MTG2: variants seen among roughly 807,000 people sequenced by gnomAD.
MTG2 encodes the protein mitochondrial ribosome-associated GTPase 2.
A neutral mutation model predicts 28.6 loss-of-function variants in MTG2; 23 were observed. The observed-to-expected ratio is 0.80, with a 90% confidence interval of 0.58 to 1.14. MTG2 has a LOEUF of 1.14. Ranked by LOEUF, MTG2 falls within the 50% of genes most tolerant of loss-of-function variation. The pLI, the probability that MTG2 is intolerant of heterozygous loss-of-function variation, is 0.00. For missense variants in MTG2, 539 were observed against 552.0 expected (o/e 0.98, Z 0.24); for synonymous variants, 260 against 251.8 (o/e 1.03, Z -0.31).
intron 1 of MTG2, among the ~76,000 whole-genome samples, chr20:62,185,309 G>A (rs1217923856): frequency 6.6e-6 from 1 of 152,106 alleles, no homozygotes; most frequent in South Asian, 2.1e-4. Context: ...CTACTCGGGA[G>A]GTTGAGGCAG....
chr20:62,186,730 T>C (rs1601083970), intron 1 of MTG2, among the ~76,000 whole-genome samples: 1 of 152,104 alleles, frequency 6.6e-6, no homozygotes, highest in African/African-American at 2.4e-5. Context: ...GGTTTCACCA[T>C]GTTGGCCACG....
At position 62,195,832 on chromosome 20, in the gene MTG2, CT is replaced by C; in HGVS notation, c.237del (p.Val80SerfsTer37). ...GTACTTTGTGGACTATCGGAGAGTGCTTGTCTGTGGAGGAAACGGAGGCGCT... is the reference window on the plus strand; with the variant it reads ...GTACTTTGTGGACTATCGGAGAGTGCTGTCTGTGGAGGAAACGGAGGCGCT... ...KRYFVDYRRVLVCGGNGGAGA... is the reference protein window; with the variant it reads ...KRYFVDYRRVXVCGGNGGAGA... On this transcript the variant is annotated frameshift_variant, in exon 3 of 7. Transcript: ENST00000370823. LOFTEE classifies it high-confidence loss of function. 1 of 1,614,168 alleles carries C rather than the reference CT, an allele frequency of 6.2e-7. No individual in the cohort carries two copies. Among genetic ancestry groups the C allele is most frequent in the Non-Finnish European group, 8.5e-7 (1 of 1,180,032 alleles).
chr20:62,196,103 A>G (rs936198899), intron 3 of MTG2, among the ~76,000 whole-genome samples, 154 bp downstream of exon 3: 3 of 152,030 alleles, frequency 2.0e-5, no homozygotes, highest in African/African-American at 4.8e-5. Context: ...ACTTGAGCCC[A>G]TAAGTTCAAG....
chr20:62,193,501 T>C lies in MTG2; in HGVS notation c.81T>C (p.Ala27=). 1 of 1,614,188 alleles carries C rather than the reference T, an allele frequency of 6.2e-7. No individual in the cohort carries two copies. The highest frequency in any genetic ancestry group is 8.5e-7 in the Non-Finnish European group (1 of 1,180,048). ...GGCATTGGGCTTTGTCCACATGGGC[T>C]GGCCTGAAGCCCAGCCGGCTACTGC... is the stretch of plus-strand genomic sequence containing the variant. ...GVGHWALSTW[A]GLKPSRLLPQ... Residue 27 remains alanine, a synonymous_variant, in exon 2 of 7, where the codon GCT becomes GCC. Coordinates refer to ENST00000370823, the MANE Select transcript of MTG2 (RefSeq NM_015666.4).
intron 5 of MTG2, 53 bp downstream of exon 5, chr20:62,198,905 C>T (rs1238220436): frequency 6.2e-6 from 10 of 1,604,652 alleles, no homozygotes; most frequent in Non-Finnish European, 8.5e-6. Flanking sequence ...CTAGAAAATC[C>T]ACTTTTCTCA....
rs776242026 is a variant in MTG2 at position 62,201,006 on chromosome 20, C to T, written c.1150C>T (p.His384Tyr). The T allele has an allele frequency of 4.3e-6, 7 of 1,613,362 alleles. No individual in the cohort carries two copies. The highest frequency in any genetic ancestry group is 1.6e-4 in the Middle Eastern group (1 of 6,062). ...TGENLEQLLLHLKVLYDAYAE... is the reference protein window; with the variant it reads ...TGENLEQLLLYLKVLYDAYAE... ...CGAGAACCTGGAGCAGCTGCTGTTG[C>T]ACCTGAAGGTGCTGTATGACGCCTA... Residue 384 changes from histidine to tyrosine, a missense_variant, in exon 7 of 7, where the codon CAC becomes TAC. Transcript: ENST00000370823.
intron 1 of MTG2, 33 bp downstream of exon 1, chr20:62,183,090 G>C (rs1456964056): frequency 1.4e-5 from 2 of 143,008 alleles, no homozygotes; most frequent in South Asian, 2.1e-4. Flanking sequence ...GGGAGCGTGG[G>C]CCTGGGGGGT....
intron 6 of MTG2, among the ~76,000 whole-genome samples, chr20:62,200,480 G>A (rs1237549458): frequency 6.6e-6 from 1 of 152,132 alleles, no homozygotes; most frequent in Non-Finnish European, 1.5e-5. Context: ...AATTCCTCAG[G>A]TGTCAGTTGG....
intron 1 of MTG2, among the ~76,000 whole-genome samples, chr20:62,189,748 C>A (rs1238359393): frequency 6.7e-6 from 1 of 149,260 alleles, no homozygotes; most frequent in African/African-American, 2.5e-5. Flanking sequence ...TCACTGCAAC[C>A]TCCGCCTCCC....
Position 62,197,838 on chromosome 20 carries a change from T to C in MTG2, c.353-14T>C, listed in dbSNP as rs1462127161. ...CGTAACACAAAGGGACTGAGATTCTTGTTCTTGCTTTAGTTGACCAGCAAG... is the reference window on the plus strand; with the variant it reads ...CGTAACACAAAGGGACTGAGATTCTCGTTCTTGCTTTAGTTGACCAGCAAG... On this transcript the variant is annotated splice_polypyrimidine_tract_variant and intron_variant, in intron 3 of 6. Transcript: ENST00000370823. 3.1e-6 allele frequency: 5 copies of C among 1,612,002 alleles called. No homozygotes were observed. The highest frequency in any genetic ancestry group is 3.3e-4 in the Middle Eastern group (2 of 6,056).
In MTG2 at chr20:62,196,173, T is replaced by G. The variant is rs1470226411; in HGVS notation, c.352+224T>G. Among the ~76,000 whole-genome samples the G allele has an allele frequency of 4.0e-5, 6 of 151,650 alleles. No individual in the cohort carries two copies. In the East Asian group the frequency reaches 7.8e-4, roughly 20 times the overall value. On this transcript the variant is annotated intron_variant, in intron 3 of 6. Transcript: ENST00000370823. ...TTTGTTTGTTTGTTTTTTTGTTTTT[T>G]TTTTTTTGCCTCAAGGTTTGTGGAT...
chr20:62,187,735 C>G (rs1234012143), intron 1 of MTG2, among the ~76,000 whole-genome samples: 4 of 152,184 alleles, frequency 2.6e-5, no homozygotes, highest in Admixed American at 6.5e-5. Context: ...TTTTCCTGAT[C>G]AGGCTAGAAG....
In MTG2 at chr20:62,197,995, T is replaced by C. The variant is rs563368145; in HGVS notation, c.468+28T>C. On this transcript the variant is annotated intron_variant, in intron 4 of 6. Coordinates refer to ENST00000370823, the MANE Select transcript of MTG2 (RefSeq NM_015666.4). ...GAGCCGAGACTGCCGGACCTGGCCC[T>C]GTCCCCGTTGTTCTGGATCATCCAG... The C allele has an allele frequency of 1.9e-6, 3 of 1,594,266 alleles. No individual in the cohort carries two copies. In the Admixed American group the frequency reaches 5.0e-5, roughly 27 times the overall value.
chr20:62,184,875 C>T (rs79073451), intron 1 of MTG2, among the ~76,000 whole-genome samples: 3,087 of 151,930 alleles, frequency 0.02, 47 homozygotes, highest in Non-Finnish European at 0.031. Flanking sequence ...TTTGGGGGGC[C>T]GAGGCAGGTG....
chr20:62,191,555 C>G (rs771822244), intron 1 of MTG2, among the ~76,000 whole-genome samples: 9 of 152,184 alleles, frequency 5.9e-5, no homozygotes, highest in Admixed American at 1.3e-4. Context: ...GTGACCCCCC[C>G]AAAGGAGGTG....
At chr20:62,198,524 G>A in intron 4 of MTG2, 110 bp from the exon 5 acceptor site, 3 of 1,199,716 alleles carry the variant, frequency 2.5e-6, no homozygotes, top group Non-Finnish European at 3.5e-6. Flanking sequence ...GCTGCCCGGG[G>A]CACAGTCCGC....
intron 1 of MTG2, among the ~76,000 whole-genome samples, chr20:62,183,837 C>A (rs1296189098): frequency 6.6e-6 from 1 of 152,194 alleles, no homozygotes; most frequent in South Asian, 2.1e-4. Flanking sequence ...GCAGAGAGAA[C>A]GTAGCGAAAC....
At chr20:62,200,418 C>G (rs1027347127) in intron 6 of MTG2, among the ~76,000 whole-genome samples, 1 of 152,140 alleles carries the variant, frequency 6.6e-6, no homozygotes, top group Non-Finnish European at 1.5e-5. Flanking sequence ...GAAATGTACT[C>G]TACTAGATAG....
At chr20:62,193,041 G>C (rs1007713983) in intron 1 of MTG2, among the ~76,000 whole-genome samples, 2 of 152,188 alleles carry the variant, frequency 1.3e-5, no homozygotes, top group African/African-American at 4.8e-5. Context: ...TAACACTCTT[G>C]ATAACATTTT....
Sources: gnomAD v4.1 joint callset for allele counts (sites outside exome capture counted in the v4.1 genomes callset) on GRCh38, gnomAD v4.1.1 for gene constraint, MANE v1.5 for transcripts, NCBI Gene and HGNC (gene_info 2026-07-23, HGNC 2026-07-21) for gene names.